GREB1L: variants seen among roughly 807,000 people sequenced by gnomAD.
GREB1L encodes the protein GREB1-like protein.
A neutral mutation model predicts 200.8 loss-of-function variants in GREB1L; 17 were observed. That is an observed-to-expected ratio of 0.08 (90% confidence interval 0.06 to 0.13). GREB1L has a LOEUF of 0.13. Among genes scored for constraint, GREB1L ranks in the 10% least tolerant of loss-of-function variants. The pLI, the probability that GREB1L is intolerant of heterozygous loss-of-function variation, is 1.00. For missense variants in GREB1L, 1,657 were observed against 2,367.7 expected, an observed-to-expected ratio of 0.70 and a Z score of 6.23; for synonymous variants, 789 against 893.0, an observed-to-expected ratio of 0.88 and a Z score of 2.08.
chr18:21,510,681 C>G (rs1489090404), intron 27 of GREB1L, among the ~76,000 whole-genome samples: 1 of 152,194 alleles, frequency 6.6e-6, no homozygotes. Flanking sequence ...ACCCTTATTT[C>G]AACTCTTCTG....
intron 17 of GREB1L, among the ~76,000 whole-genome samples, chr18:21,480,474 CAATTT>C (rs1428419007): frequency 3.3e-5 from 5 of 151,830 alleles, no homozygotes; most frequent in Non-Finnish European, 5.9e-5. Flanking sequence ...TACTCTTCTT[CAATTT>C]AAGATTTAAA....
intron 7 of GREB1L, among the ~76,000 whole-genome samples, chr18:21,409,539 A>G (rs1023020627): frequency 1.3e-5 from 2 of 152,244 alleles, no homozygotes; most frequent in African/African-American, 2.4e-5. Flanking sequence ...GTATGCCTCA[A>G]TTAAGCTAGA....
chr18:21,358,928 C>T (rs575171382), intron 1 of GREB1L, among the ~76,000 whole-genome samples: 13 of 152,122 alleles, frequency 8.5e-5, no homozygotes, highest in Admixed American at 6.5e-4. Context: ...TTACTGAATT[C>T]GTTTATTAGT....
chr18:21,419,479 G>A (rs1163894970), intron 7 of GREB1L, among the ~76,000 whole-genome samples: 1 of 152,150 alleles, frequency 6.6e-6, no homozygotes, highest in Non-Finnish European at 1.5e-5. Context: ...TTGAGACAGA[G>A]TCTCAGTCTA....
At chr18:21,253,797 C>T (rs2037752759) in intron 1 of GREB1L, among the ~76,000 whole-genome samples, 1 of 150,142 alleles carries the variant, frequency 6.7e-6, no homozygotes, top group Admixed American at 6.6e-5. Context: ...CCTAATATTT[C>T]CCAAATCTTT....
chr18:21,243,915 G>GC (rs1555621388), intron 1 of GREB1L, among the ~76,000 whole-genome samples: 1 of 152,062 alleles, frequency 6.6e-6, no homozygotes, highest in Non-Finnish European at 1.5e-5. Flanking sequence ...CTCCATACAA[G>GC]CCTTCATCCT....
rs576507880 is a variant in GREB1L, at chr18:21,301,782, A to G, written c.-120+59389A>G. Among the ~76,000 whole-genome samples the G allele has an allele frequency of 2.0e-5, 3 of 152,342 alleles. No individual in the cohort carries two copies. The East Asian group carries it at 5.8e-4, about 29-fold the overall frequency. On this transcript the variant is annotated intron_variant, in intron 1 of 32. Coordinates refer to ENST00000424526, the MANE Select transcript of GREB1L (RefSeq NM_001142966.3). Reference sequence around the variant, plus strand: ...TGAATAAGAATCACTAATCTTGAATATTTATTCAGCTCAGCTCAAACCAAT... The same window carrying G: ...TGAATAAGAATCACTAATCTTGAATGTTTATTCAGCTCAGCTCAAACCAAT...
chr18:21,355,906 TCTA>T (rs2039495602), intron 1 of GREB1L, among the ~76,000 whole-genome samples: 1 of 152,110 alleles, frequency 6.6e-6, no homozygotes, highest in South Asian at 2.1e-4. Context: ...CCATGAAAAT[TCTA>T]CTGAGATTTA....
Position 21,517,683 on chromosome 18 carries a change from C to A in GREB1L, c.5272-351C>A, listed in dbSNP as rs1371807179. On this transcript the variant is annotated intron_variant, in intron 30 of 32. Coordinates refer to ENST00000424526, the MANE Select transcript of GREB1L (RefSeq NM_001142966.3). ...CCAGTGGAGCTTAGAAACCTCTTTG[C>A]CATTTTTTTGGTGGGGTTGTGGGGT... is the stretch of plus-strand genomic sequence containing the variant. Among the ~76,000 whole-genome samples, 5 of 152,212 alleles carry A rather than the reference C, an allele frequency of 3.3e-5. No homozygotes were observed. In the South Asian group the frequency reaches 1.0e-3, roughly 32 times the overall value.
intron 27 of GREB1L, among the ~76,000 whole-genome samples, chr18:21,512,945 A>G (rs2037291824): frequency 6.6e-6 from 1 of 152,104 alleles, no homozygotes; most frequent in Admixed American, 6.6e-5. Context: ...TCTTTCATTT[A>G]TCACCTACGT....
intron 7 of GREB1L, among the ~76,000 whole-genome samples, chr18:21,430,640 A>G (rs1157225638): frequency 3.1e-5 from 4 of 127,620 alleles, no homozygotes; most frequent in Admixed American, 9.9e-5. Context: ...CTTGTTGCCC[A>G]GGCTGGAGTG....
At chr18:21,321,080 G>A (rs2038944058) in intron 1 of GREB1L, among the ~76,000 whole-genome samples, 1 of 152,016 alleles carries the variant, frequency 6.6e-6, no homozygotes, top group Non-Finnish European at 1.5e-5. Flanking sequence ...GATCACCTGA[G>A]GTCAGGAGGT....
intron 1 of GREB1L, among the ~76,000 whole-genome samples, chr18:21,348,187 C>A (rs535961436): frequency 6.6e-6 from 1 of 151,676 alleles, no homozygotes; most frequent in Non-Finnish European, 1.5e-5. Flanking sequence ...CCTCGTGTTC[C>A]GCCCGCCTGA....
intron 7 of GREB1L, among the ~76,000 whole-genome samples, chr18:21,409,658 G>C (rs2030722520): frequency 6.6e-6 from 1 of 152,172 alleles, no homozygotes; most frequent in Non-Finnish European, 1.5e-5. Context: ...AGTGGGGTGA[G>C]CAGTTTTTCA....
At chr18:21,268,550 CACACACACACATATATAT>C (rs2038017386) in intron 1 of GREB1L, among the ~76,000 whole-genome samples, 3 of 99,188 alleles carry the variant, frequency 3.0e-5, no homozygotes, top group East Asian at 2.9e-4. Flanking sequence ...CACACACACA[CACACACACACATATATAT>C]ATATATATAT....
intron 7 of GREB1L, among the ~76,000 whole-genome samples, chr18:21,411,791 A>G (rs2031047072): frequency 6.6e-6 from 1 of 151,284 alleles, no homozygotes; most frequent in African/African-American, 2.4e-5. Context: ...CACGCCTGTA[A>G]TCCCAGCACT....
rs142449351 is a variant in GREB1L at position 21,293,614 on chromosome 18, ATAAT to A, written c.-120+51226_-120+51229del. On this transcript the variant is annotated intron_variant, in intron 1 of 32. Transcript: ENST00000424526. ...TTTTCTCTTATGGGTTTAGATACTA[ATAAT>A]TAATCCCTTTTTATTCAGCCAAAAC... Among the ~76,000 whole-genome samples, 468 of 152,308 alleles carry A rather than the reference ATAAT, an allele frequency of 3.1e-3. 2 individuals carry two copies. The highest frequency in any genetic ancestry group is 0.011 in the African/African-American group (445 of 41,556).
intron 1 of GREB1L, among the ~76,000 whole-genome samples, chr18:21,282,192 T>G (rs1341015389): frequency 6.6e-6 from 1 of 152,124 alleles, no homozygotes; most frequent in Non-Finnish European, 1.5e-5. Flanking sequence ...GAGGATCACT[T>G]AAGCCCAGGA....
chr18:21,504,482 G>GCTTA (rs1181816717), intron 23 of GREB1L, among the ~76,000 whole-genome samples: 1 of 152,222 alleles, frequency 6.6e-6, no homozygotes, highest in African/African-American at 2.4e-5. Flanking sequence ...GTTGCAGTGA[G>GCTTA]CTTACATTGC....
Sources: allele counts gnomAD v4.1 joint callset (sites outside exome capture counted in the v4.1 genomes callset), GRCh38; gene constraint gnomAD v4.1.1; transcripts MANE v1.5; gene names NCBI Gene and HGNC (gene_info 2026-07-23, HGNC 2026-07-21).